Variants in CPT1B observed in about 807,000 individuals in gnomAD.
CPT1B encodes carnitine palmitoyltransferase 1B.
In CPT1B, 57 loss-of-function variants were observed where a neutral mutation model predicts 92.7. The ratio of observed to expected loss-of-function variants is 0.62; its 90% confidence interval spans 0.50 to 0.77. The LOEUF is 0.77. Ranked by LOEUF, CPT1B falls within the 30% of genes least tolerant of loss-of-function variation. The pLI is 0.00. For missense variants in CPT1B, 983 were observed against 1,017.4 expected (o/e 0.97, Z 0.46); for synonymous variants, 398 against 383.5 (o/e 1.04, Z -0.44).
chr22:50,570,749 TG>T, intron 16 of CPT1B, 141 bp downstream of exon 16: 1 of 1,098,994 alleles, frequency 9.1e-7, no homozygotes, highest in Non-Finnish European at 1.3e-6. Flanking sequence ...AGGTGGGGTG[TG>T]GGCGGGAAAG....
chr22:50,571,171 T>A lies in CPT1B; in HGVS notation c.1862A>T (p.Glu621Val), dbSNP rs771940517. The change falls in exon 15 of 20, where the codon GAG becomes GTG. Residue 621 changes from glutamate (E) to valine (V), a missense_variant. Physicochemically the swap from Glu to Val is moderately radical, Grantham distance 121. Coordinates refer to ENST00000312108, the MANE Select transcript of CPT1B (RefSeq NM_152246.3). ...GAGGACACTTACTGTGTGGGACCCC[T>A]CCATCATGGCCTGCACAAAGGCTGT... is the stretch of plus-strand genomic sequence containing the variant. ...ESTAFVQAMMEGSHTKADLRD... is the reference protein window; with the variant it reads ...ESTAFVQAMMVGSHTKADLRD... The A allele has an allele frequency of 6.2e-6, 10 of 1,613,956 alleles. No homozygotes were observed. The highest frequency in any genetic ancestry group is 1.3e-5 in the African/African-American group (1 of 74,902).
Position 50,569,216 on chromosome 22 carries a change from C to T in CPT1B, c.*2+120G>A. The T allele has an allele frequency of 5.5e-6, 5 of 914,954 alleles. No homozygotes were observed. In the South Asian group the frequency reaches 8.0e-5, roughly 15 times the overall value. 56.7% of individuals were successfully genotyped at this position (914,954 alleles called of 1,614,324 possible). A position where few individuals can be genotyped will look rare whatever the true frequency, so the allele number is the denominator to read the frequency against. On this transcript the variant is annotated intron_variant, in intron 19 of 19. Coordinates refer to ENST00000312108, the MANE Select transcript of CPT1B (RefSeq NM_152246.3). Reference sequence around the variant, plus strand: ...GCAGCATCTGCCCAGCGAGGACCTGCTGCCGGAGCTGTCCTTGGAGCCTGG... The same window carrying T: ...GCAGCATCTGCCCAGCGAGGACCTGTTGCCGGAGCTGTCCTTGGAGCCTGG...
At chr22:50,571,845 C>G in intron 13 of CPT1B, 161 bp downstream of exon 13, 1 of 756,984 alleles carries the variant, frequency 1.3e-6, no homozygotes. Flanking sequence ...TCCCTGAAGC[C>G]AGTTTGGACT....
rs754646954 is a variant in CPT1B at position 50,570,972 on chromosome 22, G to A, written c.1947C>T (p.Thr649=). ...KHQNMYRLAM[T]GAGIDRHLFC... ...AGAGGTGCCTGTCGATCCCTGCCCC[G>A]GTCATGGCCAGGCGGTACATATTCT... The change falls in exon 16 of 20, where the codon ACC becomes ACT. Residue 649 remains threonine (T), a synonymous_variant. Coordinates refer to ENST00000312108, the MANE Select transcript of CPT1B (RefSeq NM_152246.3). The A allele has an allele frequency of 3.8e-5, 61 of 1,613,894 alleles. No homozygotes were observed. The highest frequency in any genetic ancestry group is 3.3e-4 in the Middle Eastern group (2 of 6,084).
At chr22:50,571,851 G>A (rs1211456165) in intron 13 of CPT1B, 155 bp downstream of exon 13, 3 of 770,618 alleles carry the variant, frequency 3.9e-6, no homozygotes, top group African/African-American at 1.7e-5. Context: ...AAGCCAGTTT[G>A]GACTCTACAG....
chr22:50,569,172 C>T (rs1226787723), intron 19 of CPT1B, 91 bp from the exon 20 acceptor site: 3 of 613,924 alleles, frequency 4.9e-6, no homozygotes, highest in Non-Finnish European at 8.5e-6. Context: ...CCCACCTCCA[C>T]CACCTGGGCC....
chr22:50,572,258 C>T lies in CPT1B; in HGVS notation c.1403G>A (p.Gly468Asp), dbSNP rs1326283217. ...TLISFKNGQL[G>D]LNAEHAWADA... is the part of the protein sequence containing the mutation. ...TGCCCACGCATGCTCTGCATTGAGACCCAACTGGCCATTCTTGAAGGAAAT... is the reference window on the plus strand; with the variant it reads ...TGCCCACGCATGCTCTGCATTGAGATCCAACTGGCCATTCTTGAAGGAAAT... The change falls in exon 12 of 20, where the codon GGT (glycine) becomes GAT (aspartate). Residue 468 changes from glycine to aspartate, a missense_variant. Gly to Asp is a moderately conservative substitution (Grantham distance 94, BLOSUM62 -1). Transcript: ENST00000312108. 1 of 1,614,044 alleles carries T rather than the reference C, an allele frequency of 6.2e-7. No individual in the cohort carries two copies. Among genetic ancestry groups the T allele is most frequent in the Non-Finnish European group, 8.5e-7 (1 of 1,179,994 alleles).
Position 50,572,378 on chromosome 22 carries a change from AC to A in CPT1B, c.1353-71del. ...CAGAGGTGCCTGACCTGCAACCCCA[AC>A]CTTTAACCCTAATTACTAACCCTAT... On this transcript the variant is annotated intron_variant, in intron 11 of 19. Coordinates refer to ENST00000312108, the MANE Select transcript of CPT1B (RefSeq NM_152246.3). 4.3e-6 allele frequency: 4 copies of A among 928,330 alleles called. No individual in the cohort carries two copies. The South Asian group carries it at 5.6e-5, about 13-fold the overall frequency. The allele number at this position is 928,330 out of a possible 1,614,324, so 57.5% of individuals were successfully genotyped here.
At position 50,576,995 on chromosome 22, in the gene CPT1B, G is replaced by T; in HGVS notation, c.321C>A (p.Leu107=). 6.2e-7 allele frequency: 1 copy of T among 1,614,088 alleles called. No individual in the cohort carries two copies. The highest frequency in any genetic ancestry group is 1.1e-5 in the South Asian group (1 of 91,088). The change falls in exon 4 of 20, where the codon CTC becomes CTA. Residue 107 remains leucine, a synonymous_variant. Transcript: ENST00000312108. The part of the protein sequence containing the change: ...PYQTPQTRAL[L]SMAIFSTGVW... ...CGCCCGTGGAGAAGATGGCCATGCT[G>T]AGAAGTGCCCGGGTCTGCGGGGTCT...
At chr22:50,574,272 G>T in intron 9 of CPT1B, 63 bp downstream of exon 9, 1 of 1,330,768 alleles carries the variant, frequency 7.5e-7, no homozygotes, top group South Asian at 1.2e-5. Context: ...TTGGTGATGA[G>T]CAGGCAGGAG....
Position 50,576,969 on chromosome 22 carries a change from A to G in CPT1B, c.347T>C (p.Val116Ala). The G allele has an allele frequency of 6.2e-7, 1 of 1,614,046 alleles. No individual in the cohort carries two copies. The highest frequency in any genetic ancestry group is 8.5e-7 in the Non-Finnish European group (1 of 1,180,016). ...LLSMAIFSTG[V>A]WVTGIFFFRQ... The stretch of plus-strand genomic sequence containing the variant: ...GAAGAAGAAGATGCCCGTCACCCAG[A>G]CGCCCGTGGAGAAGATGGCCATGCT... Residue 116 changes from valine (V) to alanine (A), a missense_variant, in exon 4 of 20, where the codon GTC (valine) becomes GCC (alanine). Transcript: ENST00000312108.
At chr22:50,575,549 A>G (rs2070391752) in intron 7 of CPT1B, among the ~76,000 whole-genome samples, 1 of 152,200 alleles carries the variant, frequency 6.6e-6, no homozygotes, top group African/African-American at 2.4e-5. Context: ...GGAGACCCAG[A>G]GACTCAGAAG....
In CPT1B at chr22:50,577,872, G is replaced by T. The variant is rs1237254582; in HGVS notation, c.44C>A (p.Thr15Asn). 1.2e-6 allele frequency: 2 copies of T among 1,613,442 alleles called. No individual in the cohort carries two copies. The highest frequency in any genetic ancestry group is 1.7e-6 in the Non-Finnish European group (2 of 1,179,822). Residue 15 changes from threonine to asparagine, a missense_variant, in exon 2 of 20, where the codon ACC (threonine) becomes AAC (asparagine). Physicochemically the swap from Thr to Asn is moderately conservative, Grantham distance 65. Transcript: ENST00000312108. ...HQAVAFQFTVTPDGVDFRLSR... is the reference protein window; with the variant it reads ...HQAVAFQFTVNPDGVDFRLSR... ...GAGCCGGAAGTCGACCCCGTCTGGGGTCACCGTGAACTGGAAGGCCACGGC... is the reference window on the plus strand; with the variant it reads ...GAGCCGGAAGTCGACCCCGTCTGGGTTCACCGTGAACTGGAAGGCCACGGC...
chr22:50,569,303 T>C lies in CPT1B; in HGVS notation c.*2+33A>G, dbSNP rs1400752150. On this transcript the variant is annotated intron_variant, in intron 19 of 19. Coordinates refer to ENST00000312108, the MANE Select transcript of CPT1B (RefSeq NM_152246.3). ...GCCACAGGTCCCTTCCTCCACAGTG[T>C]GGGGACGAAAGGGCAGCTGGCATTT... 5 of 1,606,162 alleles carry C rather than the reference T, an allele frequency of 3.1e-6. No individual in the cohort carries two copies. The East Asian group carries it at 1.1e-4, about 36-fold the overall frequency.
intron 7 of CPT1B, chr22:50,575,083 G>A (rs1240511096): frequency 2.0e-5 from 3 of 152,014 alleles, no homozygotes; most frequent in South Asian, 2.1e-4. Context: ...GTGCGATCTC[G>A]GCTCATTTCA....
intron 1 of CPT1B, 162 bp downstream of exon 1, chr22:50,578,224 G>C (rs1031111165): frequency 6.5e-5 from 10 of 154,340 alleles, no homozygotes; most frequent in South Asian, 4.1e-4. Flanking sequence ...GCGCGGGCAG[G>C]GGAGAGAGGC....
rs1445923422 is a variant in CPT1B, at chr22:50,577,588, C to G, written c.142-125G>C. The G allele has an allele frequency of 2.1e-6, 3 of 1,425,870 alleles. No homozygotes were observed. In the African/African-American group the frequency reaches 4.2e-5, roughly 20 times the overall value. 88.3% of individuals were successfully genotyped at this position (1,425,870 alleles called of 1,614,324 possible). A position where few individuals can be genotyped will look rare whatever the true frequency, so the allele number is the denominator to read the frequency against. ...TTCTCTCCTGATGCCCTGCTGTGCT[C>G]CTTCCTCCGCCACACCCACAGCTCC... On this transcript the variant is annotated intron_variant, in intron 2 of 19. Transcript: ENST00000312108.
intron 16 of CPT1B, 140 bp downstream of exon 16, chr22:50,570,751 G>C: frequency 1.8e-6 from 2 of 1,129,992 alleles, no homozygotes; most frequent in Non-Finnish European, 2.5e-6. Context: ...GTGGGGTGTG[G>C]GCGGGAAAGC....
intron 3 of CPT1B, 51 bp downstream of exon 3, chr22:50,577,273 G>A (rs1388087486): frequency 6.2e-7 from 1 of 1,605,624 alleles, no homozygotes. Context: ...CTTGGGAGCT[G>A]GGCCCAGCCC....
Sources: gnomAD v4.1 joint callset for allele counts (sites outside exome capture counted in the v4.1 genomes callset) on GRCh38, gnomAD v4.1.1 for gene constraint, MANE v1.5 for transcripts, NCBI Gene and HGNC (gene_info 2026-07-23, HGNC 2026-07-21) for gene names.